REDIC1: variants seen among roughly 807,000 people sequenced by gnomAD.
REDIC1 encodes regulator of DNA class I crossover intermediates 1.
At chr12:39,791,239 T>C in the REDIC1 span, among the ~76,000 whole-genome samples, 1 of 145,752 alleles carries the variant, frequency 6.9e-6, no homozygotes, top group Admixed American at 6.9e-5. Context: ...TAATAAGAGC[T>C]ATCTATGACA....
chr12:39,767,936 A>T, the REDIC1 span, among the ~76,000 whole-genome samples: 1 of 152,074 alleles, frequency 6.6e-6, no homozygotes, highest in Non-Finnish European at 1.5e-5. Flanking sequence ...AGCCCTGCAG[A>T]ACTGTGAGTC....
the REDIC1 span, among the ~76,000 whole-genome samples, chr12:39,675,531 C>A: frequency 0.73 from 110,660 of 152,056 alleles, 41,953 homozygotes; most frequent in Non-Finnish European, 0.84. Flanking sequence ...CAACTCAGAA[C>A]AAGCCTGCTC....
At chr12:39,870,664 T>A in the REDIC1 span, among the ~76,000 whole-genome samples, 2 of 152,208 alleles carry the variant, frequency 1.3e-5, no homozygotes, top group Non-Finnish European at 2.9e-5. Flanking sequence ...TCAGTATATA[T>A]CCTGGCTGTT....
the REDIC1 span, among the ~76,000 whole-genome samples, chr12:39,820,207 A>G: frequency 6.6e-6 from 1 of 152,194 alleles, no homozygotes; most frequent in Non-Finnish European, 1.5e-5. Flanking sequence ...AATCCTTGGA[A>G]CTATTTAAGA....
chr12:39,848,255 G>A, the REDIC1 span, among the ~76,000 whole-genome samples: 1 of 152,056 alleles, frequency 6.6e-6, no homozygotes, highest in Non-Finnish European at 1.5e-5. Flanking sequence ...TACAGAATGT[G>A]AAAAAACATT....
the REDIC1 span, among the ~76,000 whole-genome samples, chr12:39,712,380 C>G: frequency 1.2e-4 from 14 of 119,914 alleles, no homozygotes; most frequent in African/African-American, 4.3e-4. Flanking sequence ...GTATATATAC[C>G]TATATATATA....
At chr12:39,820,595 G>A in the REDIC1 span, among the ~76,000 whole-genome samples, 6 of 151,950 alleles carry the variant, frequency 3.9e-5, no homozygotes, top group Admixed American at 2.0e-4. Flanking sequence ...GATTTGAATG[G>A]TCAAATTTTA....
chr12:39,889,561 TCTCA>T, the REDIC1 span, among the ~76,000 whole-genome samples: 7 of 137,576 alleles, frequency 5.1e-5, no homozygotes, highest in Non-Finnish European at 4.6e-5. Context: ...TGAGACCAAG[TCTCA>T]CTCTGTCACT....
the REDIC1 span, among the ~76,000 whole-genome samples, chr12:39,736,141 C>A: frequency 6.6e-6 from 1 of 152,174 alleles, no homozygotes; most frequent in Non-Finnish European, 1.5e-5. Flanking sequence ...AGAGCTAAGA[C>A]CCATGGAGAT....
chr12:39,747,094 G>C, the REDIC1 span, among the ~76,000 whole-genome samples: 20,403 of 152,238 alleles, frequency 0.13, 1,654 homozygotes, highest in East Asian at 0.39. Context: ...TTGACAAGTT[G>C]AGAGAAGAAG....
At chr12:39,681,307 T>G in the REDIC1 span, among the ~76,000 whole-genome samples, 1 of 152,038 alleles carries the variant, frequency 6.6e-6, no homozygotes, top group Non-Finnish European at 1.5e-5. Context: ...TAATGGATTC[T>G]GGGGACTCTG....
At chr12:39,683,276 A>G in the REDIC1 span, 3 of 1,148,328 alleles carry the variant, frequency 2.6e-6, no homozygotes, top group Non-Finnish European at 3.7e-6. Context: ...ATGAAACCAA[A>G]AATAGAATGG....
chr12:39,635,226 AC>A, the REDIC1 span, among the ~76,000 whole-genome samples: 1 of 152,216 alleles, frequency 6.6e-6, no homozygotes, highest in East Asian at 1.9e-4. Context: ...ATTGTGGAAG[AC>A]AGTGTGGCGA....
At chr12:39,845,217 C>G in the REDIC1 span, among the ~76,000 whole-genome samples, 73 of 151,856 alleles carry the variant, frequency 4.8e-4, no homozygotes, top group Non-Finnish European at 9.1e-4. Context: ...AGTGAGCACT[C>G]TATATTTTTT....
At chr12:39,901,137 T>C in the REDIC1 span, among the ~76,000 whole-genome samples, 1 of 152,228 alleles carries the variant, frequency 6.6e-6, no homozygotes, top group Non-Finnish European at 1.5e-5. Context: ...GCTAGCCATA[T>C]GTAGAAAGCT....
chr12:39,713,634 C>G, the REDIC1 span, among the ~76,000 whole-genome samples: 1 of 148,614 alleles, frequency 6.7e-6, no homozygotes, highest in Admixed American at 6.7e-5. Flanking sequence ...GTATACAGTA[C>G]ATATGTATAT....
the REDIC1 span, among the ~76,000 whole-genome samples, chr12:39,763,468 G>A: frequency 6.6e-6 from 1 of 152,002 alleles, no homozygotes; most frequent in Non-Finnish European, 1.5e-5. Context: ...TGCTTATCAG[G>A]TGAACAGGAT....
At chr12:39,635,931 A>G in the REDIC1 span, among the ~76,000 whole-genome samples, 5 of 152,120 alleles carry the variant, frequency 3.3e-5, no homozygotes, top group Admixed American at 6.6e-5. Flanking sequence ...GTACCTATAA[A>G]ATTAGTTGCC....
chr12:39,719,377 A>T, the REDIC1 span, among the ~76,000 whole-genome samples: 1 of 152,138 alleles, frequency 6.6e-6, no homozygotes, highest in Non-Finnish European at 1.5e-5. Flanking sequence ...TTGTAATCCC[A>T]GCATTTTGGG....
Sources: gnomAD v4.1 joint callset for allele counts (sites outside exome capture counted in the v4.1 genomes callset) on GRCh38, gnomAD v4.1.1 for gene constraint, MANE v1.5 for transcripts, NCBI Gene and HGNC (gene_info 2026-07-23, HGNC 2026-07-21) for gene names.